The following NIM1K variants were observed in gnomAD, a reference collection of about 807,000 sequenced individuals.
NIM1K encodes the protein serine/threonine-protein kinase NIM1.
Under a neutral mutation model 37.1 loss-of-function variants are expected in NIM1K, and 35 were observed. The observed-to-expected ratio is 0.94, with a 90% CI of 0.72 to 1.25. The LOEUF (loss-of-function observed/expected upper bound fraction) is 1.25. Ranked by LOEUF, NIM1K falls within the 50% of genes most tolerant of loss-of-function variation. The probability of loss-of-function intolerance (pLI) is 0.00; values close to 1 mark genes in which losing one functional copy is unlikely to be tolerated. For synonymous variants in NIM1K, 234 were observed against 206.6 expected, an observed-to-expected ratio of 1.13 and a Z score of -1.14; for missense variants, 564 against 548.0, an observed-to-expected ratio of 1.03 and a Z score of -0.29.
chr5:43,209,036 A>G (rs1752167056), intron 1 of NIM1K, among the ~76,000 whole-genome samples: 1 of 152,196 alleles, frequency 6.6e-6, no homozygotes. Flanking sequence ...TAGAACAGGA[A>G]TTATGTCTCA....
chr5:43,271,603 A>G (rs1223166915), intron 2 of NIM1K, among the ~76,000 whole-genome samples: 1 of 152,332 alleles, frequency 6.6e-6, no homozygotes, highest in Non-Finnish European at 1.5e-5. Flanking sequence ...ACAAACTTGC[A>G]TCTTGCAAAA....
intron 2 of NIM1K, among the ~76,000 whole-genome samples, chr5:43,272,628 T>C (rs2111560491): frequency 6.6e-6 from 1 of 152,348 alleles, no homozygotes; most frequent in African/African-American, 2.4e-5. Flanking sequence ...AGCTTCTCTC[T>C]ACACAAAACT....
At chr5:43,198,207 C>CTTTCTCTTTCTTTCTT (rs1281355308) in intron 1 of NIM1K, among the ~76,000 whole-genome samples, 52 of 48,788 alleles carry the variant, frequency 1.1e-3, no homozygotes, top group East Asian at 4.9e-3. Flanking sequence ...TTCTTTCTTT[C>CTTTCTCTTTCTTTCTT]TCTTTCTTTC....
At chr5:43,278,185 A>C (rs1753382053) in intron 3 of NIM1K, among the ~76,000 whole-genome samples, 1 of 151,820 alleles carries the variant, frequency 6.6e-6, no homozygotes, top group Non-Finnish European at 1.5e-5. Context: ...AGCTGGGATT[A>C]CAGGCATGTG....
At chr5:43,228,663 A>C (rs1752494483) in intron 1 of NIM1K, among the ~76,000 whole-genome samples, 1 of 108,708 alleles carries the variant, frequency 9.2e-6, no homozygotes, top group Non-Finnish European at 2.3e-5. Flanking sequence ...TGTCTCTACA[A>C]AAAAAAAAAC....
rs1353594482 is a variant in NIM1K at position 43,245,098 on chromosome 5, T to A, written c.-678T>A. 6.6e-6 allele frequency: 1 copy of A among 152,228 alleles called. No individual in the cohort carries two copies. Among genetic ancestry groups the A allele is most frequent in the East Asian group, 1.9e-4 (1 of 5,200 alleles). The allele number at this position is 152,228 out of a possible 1,614,324, so 9.4% of individuals were successfully genotyped here. A position where few individuals can be genotyped will look rare whatever the true frequency, so the allele number is the denominator to read the frequency against. The stretch of plus-strand genomic sequence containing the variant: ...TATTCTTAGGTTGAACCAGCCAAAT[T>A]TTCGAGACAGCTCACGGCTTAGAGG... On this transcript the variant is annotated 5_prime_UTR_variant, in exon 2 of 4. Transcript: ENST00000326035.
chr5:43,233,713 G>T (rs1156855761), intron 1 of NIM1K, among the ~76,000 whole-genome samples: 5 of 152,210 alleles, frequency 3.3e-5, no homozygotes, highest in African/African-American at 1.2e-4. Context: ...CAGCAAAAGA[G>T]CAGTTTCTGC....
intron 1 of NIM1K, among the ~76,000 whole-genome samples, chr5:43,216,757 T>C (rs1422365298): frequency 1.3e-5 from 2 of 152,076 alleles, no homozygotes; most frequent in Admixed American, 1.3e-4. Flanking sequence ...AAAATGGAGA[T>C]AGTTGTTGAG....
chr5:43,264,278 G>A (rs1192586822), intron 2 of NIM1K, among the ~76,000 whole-genome samples: 1 of 152,134 alleles, frequency 6.6e-6, no homozygotes, highest in Non-Finnish European at 1.5e-5. Flanking sequence ...AGGTCTCTAT[G>A]GACTTGTTTT....
intron 1 of NIM1K, among the ~76,000 whole-genome samples, chr5:43,212,691 A>G (rs1461622011): frequency 2.0e-5 from 3 of 152,142 alleles, no homozygotes; most frequent in Non-Finnish European, 4.4e-5. Context: ...ATGCAGCCTG[A>G]TAGAGACACC....
intron 1 of NIM1K, among the ~76,000 whole-genome samples, chr5:43,218,340 A>G (rs1020874444): frequency 2.0e-5 from 3 of 152,082 alleles, no homozygotes; most frequent in Admixed American, 6.6e-5. Context: ...TGGGTGATAT[A>G]TTAGTATATT....
chr5:43,225,849 C>T (rs1267611706), intron 1 of NIM1K: 1 of 152,604 alleles, frequency 6.6e-6, no homozygotes, highest in Non-Finnish European at 1.5e-5. Flanking sequence ...AAGAAGCTGA[C>T]AGCCTGACAA....
At position 43,264,312 on chromosome 5, in the gene NIM1K, G is replaced by A. The variant is rs192383032; in HGVS notation, c.293-12745G>A. 3.2e-4 allele frequency among the ~76,000 whole-genome samples: 49 copies of A among 152,252 alleles called. No individual in the cohort carries two copies. The East Asian group carries it at 8.5e-3, about 26-fold the overall frequency. ...TTATGAATCTGGGTGCTCTTTTATT[G>A]GATGCGTATATGTTTAGGATAGTTA... On this transcript the variant is annotated intron_variant, in intron 2 of 3. Coordinates refer to ENST00000326035, the MANE Select transcript of NIM1K (RefSeq NM_153361.4).
At chr5:43,220,291 C>G (rs909816868) in intron 1 of NIM1K, among the ~76,000 whole-genome samples, 8 of 124,072 alleles carry the variant, frequency 6.4e-5, no homozygotes, top group Non-Finnish European at 1.4e-4. Context: ...ATGTGGGTAT[C>G]TCTTTTTTTT....
chr5:43,202,964 C>T (rs1355991226), intron 1 of NIM1K, among the ~76,000 whole-genome samples: 1 of 152,190 alleles, frequency 6.6e-6, no homozygotes, highest in Non-Finnish European at 1.5e-5. Flanking sequence ...TGGCGCCTCA[C>T]AATTCTCATC....
chr5:43,277,508 G>A (rs1304091096), intron 3 of NIM1K, among the ~76,000 whole-genome samples, 183 bp downstream of exon 3: 3 of 152,098 alleles, frequency 2.0e-5, no homozygotes, highest in Non-Finnish European at 2.9e-5. Context: ...CAACATCCAG[G>A]GATGTCCAGT....
At chr5:43,232,154 A>T (rs1024968911) in intron 1 of NIM1K, 4 of 996,270 alleles carry the variant, frequency 4.0e-6, no homozygotes, top group Non-Finnish European at 6.2e-6. Context: ...TAGATGATAC[A>T]CTTGGTCTTG....
At chr5:43,253,209 T>TCTATA (rs1752892765) in intron 2 of NIM1K, among the ~76,000 whole-genome samples, 1 of 61,424 alleles carries the variant, frequency 1.6e-5, no homozygotes, top group African/African-American at 5.2e-5. Flanking sequence ...TATAATATAA[T>TCTATA]ATATGTGTGT....
intron 1 of NIM1K, among the ~76,000 whole-genome samples, chr5:43,198,245 CTT>C (rs779208689): frequency 9.4e-6 from 1 of 106,226 alleles, no homozygotes. Flanking sequence ...TTCTTTCTTT[CTT>C]TTCTTTCTTT....
Sources: gnomAD v4.1 joint callset for allele counts (sites outside exome capture counted in the v4.1 genomes callset) on GRCh38, gnomAD v4.1.1 for gene constraint, MANE v1.5 for transcripts, NCBI Gene and HGNC (gene_info 2026-07-23, HGNC 2026-07-21) for gene names.